The following GRIK4 variants were observed in gnomAD, a reference collection of about 807,000 sequenced individuals.
GRIK4 encodes glutamate receptor ionotropic, kainate 4.
GRIK4 carries 40 observed loss-of-function variants against 104.9 expected under a neutral mutation model. The ratio of observed to expected loss-of-function variants is 0.38; its 90% CI spans 0.30 to 0.50. The LOEUF is 0.50. GRIK4 is among the 20% of genes least tolerant of loss of function. GRIK4 has a pLI of 0.93. For missense variants in GRIK4, 1,047 were observed against 1,308.1 expected (o/e 0.80, Z 3.08); for synonymous variants, 485 against 524.9 (o/e 0.92, Z 1.04).
At chr11:120,723,391 TGA>T (rs1445113512) in intron 3 of GRIK4, among the ~76,000 whole-genome samples, 2 of 152,168 alleles carry the variant, frequency 1.3e-5, no homozygotes, top group African/African-American at 4.8e-5. Flanking sequence ...TCACCTGCCC[TGA>T]GAGGTATTCT....
Position 120,875,781 on chromosome 11 carries a change from T to C in GRIK4, c.1164+538T>C, listed in dbSNP as rs146954625. 4.2e-4 allele frequency among the ~76,000 whole-genome samples: 64 copies of C among 152,220 alleles called. 1 individual carries two copies. The East Asian group carries it at 0.012, about 29-fold the overall frequency. On this transcript the variant is annotated intron_variant, in intron 11 of 20. Transcript: ENST00000527524. ...CTTGTCCTTCATAGTTCCTTTCAGC[T>C]CCCCACTCCTTTGCTCATTCTCCGC...
At chr11:120,572,672 A>G (rs2135075846) in intron 1 of GRIK4, among the ~76,000 whole-genome samples, 1 of 152,326 alleles carries the variant, frequency 6.6e-6, no homozygotes, top group Non-Finnish European at 1.5e-5. Flanking sequence ...AATTCATGCC[A>G]GAAGTCATGC....
intron 3 of GRIK4, among the ~76,000 whole-genome samples, chr11:120,681,376 C>G (rs1950190814): frequency 6.6e-6 from 1 of 152,172 alleles, no homozygotes; most frequent in Non-Finnish European, 1.5e-5. Flanking sequence ...CTCTGAGGTC[C>G]TGCCCAGCCT....
intron 3 of GRIK4, among the ~76,000 whole-genome samples, chr11:120,782,297 T>C (rs1377524677): frequency 6.6e-6 from 1 of 151,114 alleles, no homozygotes; most frequent in Non-Finnish European, 1.5e-5. Context: ...TTTTTTTTTT[T>C]TTTTTTGAGA....
chr11:120,828,485 C>A (rs550764860), intron 6 of GRIK4, among the ~76,000 whole-genome samples: 1 of 152,108 alleles, frequency 6.6e-6, no homozygotes, highest in South Asian at 2.1e-4. Flanking sequence ...TTGTTAAGCC[C>A]CTTGTAGTTG....
At chr11:120,761,483 T>C (rs1243266645) in intron 3 of GRIK4, among the ~76,000 whole-genome samples, 3 of 152,268 alleles carry the variant, frequency 2.0e-5, no homozygotes, top group Non-Finnish European at 4.4e-5. Context: ...TTGGCTTTTG[T>C]TGCCATTGCT....
chr11:120,782,390 A>G (rs1352252254), intron 3 of GRIK4, among the ~76,000 whole-genome samples: 2 of 148,754 alleles, frequency 1.3e-5, no homozygotes, highest in Non-Finnish European at 3.0e-5. Context: ...GGTTCACGCC[A>G]TTCTCCTGCC....
intron 1 of GRIK4, among the ~76,000 whole-genome samples, chr11:120,568,422 C>T (rs963098770): frequency 1.3e-5 from 2 of 151,330 alleles, no homozygotes; most frequent in Non-Finnish European, 2.9e-5. Flanking sequence ...GAGTCTTGCT[C>T]TGTTGCCCAG....
intron 15 of GRIK4, among the ~76,000 whole-genome samples, chr11:120,954,782 TACACACACACAC>T (rs768646075): frequency 2.8e-5 from 3 of 107,898 alleles, no homozygotes; most frequent in African/African-American, 1.1e-4. Flanking sequence ...TCTCTCTCAC[TACACACACACAC>T]ACACACACAC....
intron 14 of GRIK4, among the ~76,000 whole-genome samples, chr11:120,943,056 C>T (rs1406362359): frequency 2.0e-5 from 3 of 151,466 alleles, no homozygotes; most frequent in African/African-American, 7.3e-5. Context: ...GAGCCAATTT[C>T]TTACAATAAC....
intron 19 of GRIK4, among the ~76,000 whole-genome samples, chr11:120,976,685 T>A (rs1321830840): frequency 1.3e-5 from 2 of 152,230 alleles, no homozygotes; most frequent in Non-Finnish European, 2.9e-5. Context: ...TCAGTCAAGA[T>A]CTGTTGACCA....
intron 3 of GRIK4, among the ~76,000 whole-genome samples, chr11:120,689,191 C>T (rs1044389234): frequency 1.3e-5 from 2 of 152,072 alleles, no homozygotes; most frequent in Admixed American, 6.5e-5. Context: ...TGAGATAACA[C>T]GGACATAATT....
intron 3 of GRIK4, among the ~76,000 whole-genome samples, chr11:120,776,101 A>G (rs1341678186): frequency 1.3e-5 from 2 of 152,228 alleles, no homozygotes; most frequent in African/African-American, 2.4e-5. Flanking sequence ...TCAGCCTCCC[A>G]GTGTTGTGCC....
intron 7 of GRIK4, among the ~76,000 whole-genome samples, chr11:120,834,960 A>G (rs1953535391): frequency 6.6e-6 from 1 of 152,198 alleles, no homozygotes; most frequent in Non-Finnish European, 1.5e-5. Context: ...GGTGAGATGC[A>G]GCAGCACTCT....
chr11:120,633,013 A>C (rs114245924), intron 1 of GRIK4, among the ~76,000 whole-genome samples: 3,097 of 152,164 alleles, frequency 0.02, 109 homozygotes, highest in African/African-American at 0.069. Flanking sequence ...TAGAAGGCAC[A>C]TGGTTCACCC....
chr11:120,543,845 G>A (rs1457999357), intron 1 of GRIK4, among the ~76,000 whole-genome samples: 2 of 152,228 alleles, frequency 1.3e-5, no homozygotes, highest in Admixed American at 6.5e-5. Flanking sequence ...AAACGTGGAT[G>A]AACCTGGAGG....
chr11:120,912,678 G>A (rs1029415258), intron 13 of GRIK4, among the ~76,000 whole-genome samples: 2 of 152,200 alleles, frequency 1.3e-5, no homozygotes, highest in African/African-American at 4.8e-5. Flanking sequence ...CATGTAGCTT[G>A]TAAGGGAAAG....
intron 14 of GRIK4, among the ~76,000 whole-genome samples, chr11:120,948,749 G>A (rs1187748562): frequency 1.1e-4 from 16 of 152,172 alleles, no homozygotes; most frequent in Non-Finnish European, 1.5e-5. Flanking sequence ...GGAAGTTCCC[G>A]CCTTTGTAAC....
At chr11:120,780,602 T>G (rs1039470229) in intron 3 of GRIK4, among the ~76,000 whole-genome samples, 2 of 152,226 alleles carry the variant, frequency 1.3e-5, no homozygotes, top group African/African-American at 2.4e-5. Flanking sequence ...TGTACAAATA[T>G]CAATTTGAGA....
Sources: gnomAD v4.1 joint callset for allele counts (sites outside exome capture counted in the v4.1 genomes callset) on GRCh38, gnomAD v4.1.1 for gene constraint, MANE v1.5 for transcripts, NCBI Gene and HGNC (gene_info 2026-07-23, HGNC 2026-07-21) for gene names.